CTNNA3: variants seen among roughly 807,000 people sequenced by gnomAD.
The protein encoded by CTNNA3 is catenin alpha-3.
In CTNNA3, 76 loss-of-function variants were observed where a neutral mutation model predicts 95.7. The ratio of observed to expected loss-of-function variants is 0.79; its 90% CI spans 0.66 to 0.96. The LOEUF (loss-of-function observed/expected upper bound fraction) is 0.96, where lower values mean the gene tolerates loss of function less well. CTNNA3 is among the 40% of genes least tolerant of loss of function. The pLI, the probability that CTNNA3 is intolerant of heterozygous loss-of-function variation, is 0.00. For missense variants in CTNNA3, 1,191 were observed against 1,089.8 expected (o/e 1.09, Z -1.31); for synonymous variants, 431 against 374.4 (o/e 1.15, Z -1.74).
At chr10:66,239,103 T>C (rs2089991727) in intron 13 of CTNNA3, among the ~76,000 whole-genome samples, 1 of 151,846 alleles carries the variant, frequency 6.6e-6, no homozygotes, top group African/African-American at 2.4e-5. Flanking sequence ...AAATAAGAAC[T>C]ATAATATATT....
At chr10:66,659,399 A>G (rs577483476) in intron 9 of CTNNA3, among the ~76,000 whole-genome samples, 1 of 152,266 alleles carries the variant, frequency 6.6e-6, no homozygotes, top group African/African-American at 2.4e-5. Flanking sequence ...AGAAGGAGCT[A>G]AAGTTTTATT....
At chr10:67,197,326 T>C (rs1395387808) in intron 6 of CTNNA3, among the ~76,000 whole-genome samples, 1 of 152,038 alleles carries the variant, frequency 6.6e-6, no homozygotes, top group East Asian at 1.9e-4. Context: ...AAATAAGTAA[T>C]CCCAATTGTG....
intron 13 of CTNNA3, among the ~76,000 whole-genome samples, chr10:66,192,740 C>T (rs2086749149): frequency 6.6e-6 from 1 of 152,032 alleles, no homozygotes; most frequent in Non-Finnish European, 1.5e-5. Flanking sequence ...ATTTCTTTAC[C>T]CCTTTCCCAA....
chr10:66,183,906 A>G (rs963923587), intron 13 of CTNNA3, among the ~76,000 whole-genome samples: 1 of 151,884 alleles, frequency 6.6e-6, no homozygotes, highest in African/African-American at 2.4e-5. Context: ...TTGTCTTTTT[A>G]CCTTATTGAA....
intron 5 of CTNNA3, among the ~76,000 whole-genome samples, chr10:67,393,156 C>G (rs1304732152): frequency 1.3e-5 from 2 of 152,084 alleles, no homozygotes; most frequent in Non-Finnish European, 2.9e-5. Flanking sequence ...TTCTACTCAT[C>G]AATATTTACT....
intron 5 of CTNNA3, among the ~76,000 whole-genome samples, chr10:67,265,940 A>G (rs1904612): frequency 0.16 from 23,627 of 152,140 alleles, 2,692 homozygotes; most frequent in South Asian, 0.32. Flanking sequence ...AATGAAACAG[A>G]TCAATCGACA....
At chr10:66,238,044 T>G (rs1236180374) in intron 13 of CTNNA3, among the ~76,000 whole-genome samples, 1 of 152,050 alleles carries the variant, frequency 6.6e-6, no homozygotes, top group Non-Finnish European at 1.5e-5. Flanking sequence ...TCATGCTACT[T>G]GAAGGAAAAG....
At chr10:65,948,153 C>T (rs577411492) in intron 17 of CTNNA3, among the ~76,000 whole-genome samples, 3 of 151,648 alleles carry the variant, frequency 2.0e-5, no homozygotes, top group Non-Finnish European at 4.4e-5. Flanking sequence ...TGGTGGTGGG[C>T]GCCTGTAGTC....
rs771319026 is a variant in CTNNA3, at chr10:66,420,829, A to AT, written c.1532-41478dup. ...AATAAATAAATAAATAAATAAATAA[A>AT]TAAATAAATAAAAAACAATATGGAG... is the stretch of plus-strand genomic sequence containing the variant. On this transcript the variant is annotated intron_variant, in intron 11 of 17. Coordinates refer to ENST00000433211, the MANE Select transcript of CTNNA3 (RefSeq NM_013266.4). Among the ~76,000 whole-genome samples the AT allele has an allele frequency of 9.8e-3, 764 of 77,872 alleles. 6 individuals are homozygous for AT. Among genetic ancestry groups the AT allele is most frequent in the African/African-American group, 0.035 (689 of 19,924 alleles). The allele number at this position is 77,872 out of a possible 152,430, so 51.1% of individuals were successfully genotyped here.
At chr10:66,971,493 C>A (rs1222054849) in intron 7 of CTNNA3, among the ~76,000 whole-genome samples, 1 of 152,008 alleles carries the variant, frequency 6.6e-6, no homozygotes, top group Admixed American at 6.6e-5. Context: ...TGCTTAAATC[C>A]CAATTGTACT....
chr10:67,751,859 G>T (rs1165427047), intron 1 of CTNNA3, among the ~76,000 whole-genome samples: 1 of 150,736 alleles, frequency 6.6e-6, no homozygotes, highest in Non-Finnish European at 1.5e-5. Flanking sequence ...AAAAGCCCAG[G>T]ACCAGATAGA....
chr10:66,003,721 AT>A (rs376780036), intron 15 of CTNNA3, among the ~76,000 whole-genome samples: 57 of 152,288 alleles, frequency 3.7e-4, no homozygotes, highest in African/African-American at 1.1e-3. Context: ...AAGATTTAAT[AT>A]TTTTTTGTGT....
At chr10:65,982,848 T>C (rs1419963322) in intron 16 of CTNNA3, among the ~76,000 whole-genome samples, 1 of 151,334 alleles carries the variant, frequency 6.6e-6, no homozygotes, top group Non-Finnish European at 1.5e-5. Context: ...ACAAGGTGTA[T>C]CTAGGAATTA....
At chr10:67,225,182 G>T (rs1864843698) in intron 5 of CTNNA3, among the ~76,000 whole-genome samples, 1 of 152,220 alleles carries the variant, frequency 6.6e-6, no homozygotes, top group East Asian at 1.9e-4. Flanking sequence ...ATTGACCTGG[G>T]AATCTCACTC....
intron 2 of CTNNA3, among the ~76,000 whole-genome samples, chr10:67,637,492 C>T (rs955541073): frequency 6.6e-6 from 1 of 152,118 alleles, no homozygotes; most frequent in African/African-American, 2.4e-5. Context: ...GGCCAACATT[C>T]AAATTCAGGA....
chr10:66,909,538 TAAATC>T (rs1846134918), intron 7 of CTNNA3, among the ~76,000 whole-genome samples: 1 of 151,426 alleles, frequency 6.6e-6, no homozygotes, highest in Non-Finnish European at 1.5e-5. Context: ...AATAAATAAA[TAAATC>T]ACTACCTTCG....
intron 13 of CTNNA3, among the ~76,000 whole-genome samples, chr10:66,188,782 T>G (rs370632208): frequency 5.9e-5 from 9 of 152,090 alleles, no homozygotes; most frequent in African/African-American, 2.2e-4. Context: ...TAGTTCTATT[T>G]TTAGTTTCTT....
chr10:67,589,308 A>G (rs1306553071), intron 3 of CTNNA3, among the ~76,000 whole-genome samples: 2 of 152,106 alleles, frequency 1.3e-5, no homozygotes, highest in Non-Finnish European at 2.9e-5. Flanking sequence ...TTTTCCCAAT[A>G]TACTCTGGGT....
chr10:67,603,022 C>G (rs1843137475), intron 3 of CTNNA3, among the ~76,000 whole-genome samples: 2 of 152,154 alleles, frequency 1.3e-5, no homozygotes, highest in Admixed American at 1.3e-4. Flanking sequence ...CACTTGGTAC[C>G]TGCCACGCTC....
Sources: gnomAD v4.1 joint callset for allele counts (sites outside exome capture counted in the v4.1 genomes callset) on GRCh38, gnomAD v4.1.1 for gene constraint, MANE v1.5 for transcripts, NCBI Gene and HGNC (gene_info 2026-07-23, HGNC 2026-07-21) for gene names.